Variants in LRMDA observed in about 807,000 individuals in gnomAD.
The protein encoded by LRMDA is leucine-rich melanocyte differentiation-associated protein.
A neutral mutation model predicts 29.8 loss-of-function variants in LRMDA; 18 were observed. That is an observed-to-expected ratio of 0.60 (90% CI 0.42 to 0.90). The LOEUF (loss-of-function observed/expected upper bound fraction) is 0.90, where lower values mean the gene tolerates loss of function less well. Among genes scored for constraint, LRMDA ranks in the 40% least tolerant of loss-of-function variants. The pLI, the probability that LRMDA is intolerant of heterozygous loss-of-function variation, is 0.00. For synonymous variants in LRMDA, 125 were observed against 109.4 expected (o/e 1.14, Z -0.89); for missense variants, 273 against 273.9 (o/e 1.00, Z 0.02).
At chr10:75,818,868 T>C (rs1024169295) in intron 2 of LRMDA, among the ~76,000 whole-genome samples, 22 of 152,146 alleles carry the variant, frequency 1.4e-4, no homozygotes, top group African/African-American at 5.1e-4. Context: ...CATTCAAGGC[T>C]CCTCATGAGT....
intron 2 of LRMDA, among the ~76,000 whole-genome samples, chr10:75,561,319 C>A (rs989165901): frequency 6.7e-6 from 1 of 149,090 alleles, no homozygotes; most frequent in Non-Finnish European, 1.5e-5. Context: ...AGTTTATTTG[C>A]GTAGAGGTGT....
In LRMDA at chr10:76,242,235, C is replaced by G. The variant is rs758266034; in HGVS notation, c.517-82166C>G. 3.9e-5 allele frequency: 6 copies of G among 152,332 alleles called. No individual in the cohort carries two copies. The East Asian group carries it at 7.7e-4, about 20-fold the overall frequency. The allele number at this position is 152,332 out of a possible 1,614,324, so 9.4% of individuals were successfully genotyped here. A position where few individuals can be genotyped will look rare whatever the true frequency, so the allele number is the denominator to read the frequency against. On this transcript the variant is annotated intron_variant, in intron 5 of 6. Transcript: ENST00000611255. ...GACACCCAATCAGCATAGCTCACTA[C>G]AGCCCAGAACTCCTGGACTCAAGTG...
At chr10:75,637,890 C>T (rs1045944435) in intron 2 of LRMDA, among the ~76,000 whole-genome samples, 14 of 152,188 alleles carry the variant, frequency 9.2e-5, no homozygotes, top group African/African-American at 2.7e-4. Context: ...ACCCCATTTG[C>T]ATGGTGTGCA....
chr10:76,196,526 A>G (rs1851334074), intron 5 of LRMDA, among the ~76,000 whole-genome samples: 1 of 152,170 alleles, frequency 6.6e-6, no homozygotes, highest in Non-Finnish European at 1.5e-5. Flanking sequence ...TCCCTGTGCT[A>G]CTTCCTTACA....
intron 2 of LRMDA, among the ~76,000 whole-genome samples, chr10:75,656,045 A>C (rs1327802599): frequency 6.6e-6 from 1 of 152,066 alleles, no homozygotes; most frequent in African/African-American, 2.4e-5. Flanking sequence ...TTAGCTGTGA[A>C]TTTTTTGAGG....
intron 6 of LRMDA, among the ~76,000 whole-genome samples, chr10:76,395,061 C>T (rs1168787040): frequency 1.3e-5 from 2 of 152,180 alleles, no homozygotes; most frequent in South Asian, 2.1e-4. Flanking sequence ...CTAAACTCTT[C>T]ACTTAAAGCT....
At chr10:75,445,229 C>A (rs889817844) in intron 2 of LRMDA, among the ~76,000 whole-genome samples, 1 of 152,180 alleles carries the variant, frequency 6.6e-6, no homozygotes, top group Non-Finnish European at 1.5e-5. Context: ...CATGAGCCAC[C>A]ATGCCCAGCC....
intron 6 of LRMDA, among the ~76,000 whole-genome samples, chr10:76,531,495 G>A (rs76743476): frequency 0.02 from 2,986 of 152,066 alleles, 101 homozygotes; most frequent in African/African-American, 0.067. Flanking sequence ...GAGTTTTATC[G>A]TAAATTTATG....
chr10:75,821,702 G>T (rs567868674), intron 2 of LRMDA, among the ~76,000 whole-genome samples: 5 of 152,140 alleles, frequency 3.3e-5, no homozygotes, highest in Non-Finnish European at 7.4e-5. Context: ...CTGGGAGGCG[G>T]AGCTTGCAGT....
chr10:75,776,785 G>C (rs548812224), intron 2 of LRMDA, among the ~76,000 whole-genome samples: 2 of 152,318 alleles, frequency 1.3e-5, no homozygotes, highest in African/African-American at 4.8e-5. Flanking sequence ...TAAACAGTTG[G>C]TTTTGGAGCA....
At chr10:75,944,122 T>TG (rs1846439594) in intron 2 of LRMDA, among the ~76,000 whole-genome samples, 1 of 152,214 alleles carries the variant, frequency 6.6e-6, no homozygotes, top group Non-Finnish European at 1.5e-5. Context: ...ATTCTGTTTT[T>TG]GTCCATCCAA....
chr10:76,284,977 A>G (rs1840253655), intron 5 of LRMDA, among the ~76,000 whole-genome samples: 1 of 152,180 alleles, frequency 6.6e-6, no homozygotes, highest in Non-Finnish European at 1.5e-5. Flanking sequence ...TAAATTACCC[A>G]GTCTCAAGTA....
At chr10:76,013,680 G>T (rs1300766147) in intron 2 of LRMDA, among the ~76,000 whole-genome samples, 3 of 152,122 alleles carry the variant, frequency 2.0e-5, no homozygotes, top group South Asian at 4.2e-4. Flanking sequence ...GGAGGTGGGG[G>T]GGAAGGCCGA....
At chr10:76,531,250 G>A (rs546821422) in intron 6 of LRMDA, among the ~76,000 whole-genome samples, 21 of 152,242 alleles carry the variant, frequency 1.4e-4, no homozygotes, top group African/African-American at 4.8e-4. Context: ...ACCCAGTAAT[G>A]GATCGTTAGG....
chr10:75,685,040 A>T (rs1410259330), intron 2 of LRMDA, among the ~76,000 whole-genome samples: 5 of 152,126 alleles, frequency 3.3e-5, no homozygotes, highest in Non-Finnish European at 7.3e-5. Flanking sequence ...CAGTTTTCAG[A>T]TTGGATCTTT....
At chr10:76,148,473 G>A (rs1262505749) in intron 5 of LRMDA, among the ~76,000 whole-genome samples, 2 of 152,144 alleles carry the variant, frequency 1.3e-5, no homozygotes, top group Admixed American at 6.5e-5. Flanking sequence ...CACACGGTGG[G>A]CATAGGACCC....
chr10:75,448,541 C>T (rs1564773689), intron 2 of LRMDA, among the ~76,000 whole-genome samples: 1 of 152,136 alleles, frequency 6.6e-6, no homozygotes, highest in Non-Finnish European at 1.5e-5. Flanking sequence ...AGTTCTCAAC[C>T]AGGAAATTCT....
At chr10:76,219,143 C>A (rs912191519) in intron 5 of LRMDA, among the ~76,000 whole-genome samples, 12 of 152,150 alleles carry the variant, frequency 7.9e-5, no homozygotes, top group Non-Finnish European at 1.6e-4. Context: ...ACAACCGGTA[C>A]CAGCCACGGC....
At chr10:75,910,147 A>G (rs769786706) in intron 2 of LRMDA, among the ~76,000 whole-genome samples, 4 of 152,172 alleles carry the variant, frequency 2.6e-5, no homozygotes, top group Non-Finnish European at 5.9e-5. Context: ...TTGGAGACCT[A>G]GACAATGTAA....
Sources: allele counts gnomAD v4.1 joint callset (sites outside exome capture counted in the v4.1 genomes callset), GRCh38; gene constraint gnomAD v4.1.1; transcripts MANE v1.5; gene names NCBI Gene and HGNC (gene_info 2026-07-23, HGNC 2026-07-21).